Variants in ENSA observed in about 807,000 individuals in gnomAD.
ENSA encodes endosulfine alpha, also known as alpha-endosulfine.
A neutral mutation model predicts 16.8 loss-of-function variants in ENSA; 7 were observed. The observed-to-expected ratio is 0.42, with a 90% CI of 0.24 to 0.78. The LOEUF is 0.78. ENSA is among the 30% of genes least tolerant of loss of function. ENSA has a pLI of 0.29. For synonymous variants in ENSA, 58 were observed against 53.4 expected (o/e 1.09, Z -0.37); for missense variants, 87 against 142.3 (o/e 0.61, Z 1.98).
Position 150,624,806 on chromosome 1 carries a change from G to C in ENSA, c.350+836C>G, listed in dbSNP as rs144160322. 5.4e-4 allele frequency: 528 copies of C among 984,570 alleles called. 2 individuals are homozygous for C. The African/African-American group carries it at 8.8e-3, about 16-fold the overall frequency. 61.0% of individuals were successfully genotyped at this position (984,570 alleles called of 1,614,324 possible). Reference sequence around the variant, plus strand: ...GCTGGCAGTTAAGACTTCAGAATCAGAATCAATCTTACATACATTTAACTC... The same window carrying C: ...GCTGGCAGTTAAGACTTCAGAATCACAATCAATCTTACATACATTTAACTC... On this transcript the variant is annotated intron_variant, in intron 3 of 3. Transcript: ENST00000369014.
chr1:150,628,888 A>G (rs1649537388), intron 1 of ENSA: 1 of 650,138 alleles, frequency 1.5e-6, no homozygotes. Flanking sequence ...GCAATAGACC[A>G]TCCTTAGCTA....
chr1:150,627,397 C>T (rs939623335), intron 2 of ENSA, 70 bp downstream of exon 2: 1 of 1,614,224 alleles, frequency 6.2e-7, no homozygotes, highest in Non-Finnish European at 8.5e-7. Context: ...TCCAGTAGAA[C>T]CTCTACAGAC....
chr1:150,623,465 GTT>G, intron 3 of ENSA: 1 of 985,786 alleles, frequency 1.0e-6, no homozygotes, highest in Non-Finnish European at 1.2e-6. Context: ...GAGACCAACA[GTT>G]TTTCTGATTT....
intron 3 of ENSA, chr1:150,624,525 G>A (rs1649169700): frequency 9.1e-6 from 9 of 985,804 alleles, no homozygotes; most frequent in Non-Finnish European, 1.1e-5. Context: ...AGGTAGGCTG[G>A]GAAAGTGGGC....
intron 3 of ENSA, chr1:150,623,991 T>C: frequency 1.0e-6 from 1 of 985,424 alleles, no homozygotes; most frequent in Non-Finnish European, 1.2e-6. Flanking sequence ...TTGGGCCAAA[T>C]GTTTGGCATA....
chr1:150,626,918 C>G, intron 2 of ENSA: 1 of 430,030 alleles, frequency 2.3e-6, no homozygotes, highest in Non-Finnish European at 3.2e-6. Context: ...AAAATCTGAT[C>G]AGGAGCTACA....
At chr1:150,628,061 C>G (rs1284757031) in intron 1 of ENSA, among the ~76,000 whole-genome samples, 3 of 152,146 alleles carry the variant, frequency 2.0e-5, no homozygotes, top group African/African-American at 7.2e-5. Flanking sequence ...CTTTGGGAGG[C>G]TGAGGCAGGT....
intron 1 of ENSA, among the ~76,000 whole-genome samples, chr1:150,628,069 G>A (rs1010012350): frequency 1.3e-5 from 2 of 152,188 alleles, no homozygotes; most frequent in Admixed American, 1.3e-4. Context: ...GGCTGAGGCA[G>A]GTGCATCACT....
At chr1:150,621,707 T>C (rs896695983), downstream of ENSA, 6 of 152,228 alleles carry the variant, frequency 3.9e-5, no homozygotes, top group African/African-American at 7.2e-5. Flanking sequence ...TGCCTCCTGC[T>C]GGCCACCAGC....
chr1:150,629,142 C>T (rs372022946), intron 1 of ENSA: 11 of 1,614,072 alleles, frequency 6.8e-6, no homozygotes, highest in Middle Eastern at 1.6e-4. Flanking sequence ...CCACCCGCCC[C>T]ACGTCCATGC....
rs1052964079 is a variant in ENSA at position 150,626,628 on chromosome 1, C to T, written c.184-820G>A. ...CTGGAGTGCAGTGGCACGATCTCGG[C>T]TCACTGCAAGCTCCGCCTCCCGGGT... On this transcript the variant is annotated intron_variant, in intron 2 of 3. Coordinates refer to ENST00000369014, the MANE Select transcript of ENSA (RefSeq NM_004436.4). The T allele has an allele frequency of 7.2e-6, 6 of 829,248 alleles. No homozygotes were observed. The African/African-American group carries it at 1.0e-4, about 14-fold the overall frequency. 51.4% of individuals were successfully genotyped at this position (829,248 alleles called of 1,614,324 possible). A position where few individuals can be genotyped will look rare whatever the true frequency, so the allele number is the denominator to read the frequency against.
rs774126662 is a variant in ENSA at position 150,622,896 on chromosome 1, C to T, written c.351-37G>A. 1.9e-5 allele frequency: 29 copies of T among 1,516,188 alleles called. No homozygotes were observed. In the African/African-American group the frequency reaches 2.1e-4, roughly 11 times the overall value. The allele number at this position is 1,516,188 out of a possible 1,614,324, so 93.9% of individuals were successfully genotyped here. ...CACAGAAGAAAAAAAAAAAAAACAA[C>T]ACTGTCAAGTAATAGGGGAAAAAAA... is the stretch of plus-strand genomic sequence containing the variant. On this transcript the variant is annotated intron_variant, in intron 3 of 3. Coordinates refer to ENST00000369014, the MANE Select transcript of ENSA (RefSeq NM_004436.4).
At chr1:150,623,142 T>A in intron 3 of ENSA, 2 of 1,196,812 alleles carry the variant, frequency 1.7e-6, no homozygotes, top group Non-Finnish European at 2.1e-6. Flanking sequence ...TCAAAATAAC[T>A]GGAGGTTTCC....
At chr1:150,628,463 G>A (rs1571016793) in intron 1 of ENSA, among the ~76,000 whole-genome samples, 1 of 151,014 alleles carries the variant, frequency 6.6e-6, no homozygotes, top group East Asian at 1.9e-4. Context: ...TACCTACCCT[G>A]GTGGTGCAGG....
intron 3 of ENSA, chr1:150,624,594 A>G: frequency 3.7e-5 from 36 of 985,770 alleles, no homozygotes; most frequent in Non-Finnish European, 4.3e-5. Flanking sequence ...TTTGACCCTC[A>G]AGACTGTGAT....
At chr1:150,623,956 T>C (rs1322252769) in intron 3 of ENSA, 10 of 985,348 alleles carry the variant, frequency 1.0e-5, no homozygotes, top group East Asian at 2.3e-4. Flanking sequence ...CACATGCACA[T>C]CAGCAAGTCT....
At chr1:150,624,177 G>C in intron 3 of ENSA, 1 of 985,466 alleles carries the variant, frequency 1.0e-6, no homozygotes, top group African/African-American at 1.7e-5. Flanking sequence ...TCCTCCACCT[G>C]TTCATGAGTC....
intron 3 of ENSA, chr1:150,624,539 G>A (rs1276323267): frequency 1.0e-6 from 1 of 985,780 alleles, no homozygotes; most frequent in Admixed American, 6.1e-5. Flanking sequence ...AGTGGGCTGG[G>A]TCAGAGGCAA....
In ENSA at chr1:150,625,627, G is replaced by A. The variant is rs753837481; in HGVS notation, c.350+15C>T. On this transcript the variant is annotated intron_variant, in intron 3 of 3. Coordinates refer to ENST00000369014, the MANE Select transcript of ENSA (RefSeq NM_004436.4). ...CAGTGGTTGAGGAAGGGGAGGAGAG[G>A]GGGGCTCAGGTTACCCCGCAAGCTT... 8 of 1,579,868 alleles carry A rather than the reference G, an allele frequency of 5.1e-6. No individual in the cohort carries two copies. The highest frequency in any genetic ancestry group is 1.8e-5 in the Admixed American group (1 of 55,588).
Sources: gnomAD v4.1 joint callset for allele counts (sites outside exome capture counted in the v4.1 genomes callset) on GRCh38, gnomAD v4.1.1 for gene constraint, MANE v1.5 for transcripts, NCBI Gene and HGNC (gene_info 2026-07-23, HGNC 2026-07-21) for gene names.